PCDHGA2: variants seen among roughly 807,000 people sequenced by gnomAD.
PCDHGA2 encodes protocadherin gamma subfamily A, 2.
PCDHGA2 carries 40 observed loss-of-function variants against 59.2 expected under a neutral mutation model. That is an observed-to-expected ratio of 0.68 (90% CI 0.52 to 0.88). PCDHGA2 has a LOEUF of 0.88. Among genes scored for constraint, PCDHGA2 ranks in the 40% least tolerant of loss-of-function variants. PCDHGA2 has a pLI of 0.00. For missense variants in PCDHGA2, 1,226 were observed against 1,204.0 expected, an observed-to-expected ratio of 1.02 and a Z score of -0.27; for synonymous variants, 560 against 526.0, an observed-to-expected ratio of 1.06 and a Z score of -0.89.
chr5:141,338,887 G>T lies in PCDHGA2; in HGVS notation c.-85G>T. 6.8e-7 allele frequency: 1 copy of T among 1,468,476 alleles called. No individual in the cohort carries two copies. The highest frequency in any genetic ancestry group is 9.0e-7 in the Non-Finnish European group (1 of 1,110,860). The allele number at this position is 1,468,476 out of a possible 1,614,324, so 91.0% of individuals were successfully genotyped here. On this transcript the variant is annotated 5_prime_UTR_variant, in exon 1 of 4. Transcript: ENST00000394576. ...TAGGGACCTGGGTCCCGTGAATGCT[G>T]GTTATCTCACACCCTGAGGAATAAA... is the stretch of plus-strand genomic sequence containing the variant.
chr5:141,362,129 C>T, intron 1 of PCDHGA2: 2 of 1,614,016 alleles, frequency 1.2e-6, no homozygotes, highest in Non-Finnish European at 1.7e-6. Flanking sequence ...CTAATCTTCG[C>T]GGATAGCCTG....
chr5:141,498,197 A>C (rs1191884415), intron 2 of PCDHGA2, among the ~76,000 whole-genome samples: 1 of 152,246 alleles, frequency 6.6e-6, no homozygotes. Flanking sequence ...AACCAGCTAA[A>C]GAAAAGAAGG....
chr5:141,485,666 A>G lies in PCDHGA2; in HGVS notation c.2425-9141A>G. ...GGCTCAGGATGCAGATGTGGGGAGC[A>G]ATTCGATTAGCAGCTATAGGCTGAG... On this transcript the variant is annotated intron_variant, in intron 1 of 3. Coordinates refer to ENST00000394576, the MANE Select transcript of PCDHGA2 (RefSeq NM_018915.4). The surrounding 1 kb of genome is among the most constrained non-coding windows in gnomAD (Gnocchi z 5.7). 1 of 1,612,786 alleles carries G rather than the reference A, an allele frequency of 6.2e-7. No homozygotes were observed. Among genetic ancestry groups the G allele is most frequent in the Non-Finnish European group, 8.5e-7 (1 of 1,178,960 alleles).
At chr5:141,362,681 T>A in intron 1 of PCDHGA2, 1 of 1,158,954 alleles carries the variant, frequency 8.6e-7, no homozygotes, top group Non-Finnish European at 1.2e-6. Flanking sequence ...TTAATTGTCT[T>A]AATCTTATCT....
rs559636619 is a variant in PCDHGA2 at position 141,371,768 on chromosome 5, C to A, written c.2424+30373C>A. ...CCGTTTTCCACCAGGCCTCCTACAC[C>A]GTGCATGTAGCTGAGAACAATCCGC... On this transcript the variant is annotated intron_variant, in intron 1 of 3. Coordinates refer to ENST00000394576, the MANE Select transcript of PCDHGA2 (RefSeq NM_018915.4). 6.8e-6 allele frequency: 11 copies of A among 1,614,032 alleles called. No homozygotes were observed. The South Asian group carries it at 7.7e-5, about 11-fold the overall frequency.
intron 1 of PCDHGA2, chr5:141,426,449 G>A (rs1449929836): frequency 1.6e-5 from 5 of 307,646 alleles, no homozygotes; most frequent in East Asian, 8.0e-5. Flanking sequence ...GAGGACATGC[G>A]GCTGCATGTT....
At chr5:141,346,165 T>G (rs1231422225) in intron 1 of PCDHGA2, 2 of 1,613,934 alleles carry the variant, frequency 1.2e-6, no homozygotes, top group Non-Finnish European at 1.7e-6. Flanking sequence ...GTCATCGTGC[T>G]GCTGGCGCTC....
intron 1 of PCDHGA2, chr5:141,384,552 C>T (rs752995629): frequency 3.7e-6 from 6 of 1,614,148 alleles, no homozygotes; most frequent in Admixed American, 3.3e-5. Flanking sequence ...TGAGCCTGTT[C>T]GTGCTGGACC....
intron 1 of PCDHGA2, chr5:141,395,206 A>T: frequency 1.9e-6 from 3 of 1,613,736 alleles, no homozygotes; most frequent in Non-Finnish European, 2.5e-6. Flanking sequence ...GTAGATTTTC[A>T]TGAATATAAG....
chr5:141,360,056 A>C, intron 1 of PCDHGA2: 1 of 1,446,522 alleles, frequency 6.9e-7, no homozygotes, highest in Non-Finnish European at 9.1e-7. Flanking sequence ...CAAAAGCAGG[A>C]AAAGTGACCT....
chr5:141,383,930 C>T lies in PCDHGA2; in HGVS notation c.2424+42535C>T. 7 of 1,613,800 alleles carry T rather than the reference C, an allele frequency of 4.3e-6. No homozygotes were observed. Among genetic ancestry groups the T allele is most frequent in the Non-Finnish European group, 5.9e-6 (7 of 1,179,786 alleles). ...ACAGTTTTAGATGTAAATGATAATG[C>T]TCCAGAAGTGACTATGACGTCTTTA... On this transcript the variant is annotated intron_variant, in intron 1 of 3. Coordinates refer to ENST00000394576, the MANE Select transcript of PCDHGA2 (RefSeq NM_018915.4).
intron 1 of PCDHGA2, chr5:141,376,347 A>G (rs1218451115): frequency 6.2e-7 from 1 of 1,614,056 alleles, no homozygotes; most frequent in Non-Finnish European, 8.5e-7. Flanking sequence ...ACCTATTCCC[A>G]CGAGGTCTCA....
At position 141,476,973 on chromosome 5, in the gene PCDHGA2, A is replaced by C. The variant is rs1205314116; in HGVS notation, c.2425-17834A>C. Reference sequence around the variant, plus strand: ...GAAATTATTTACTCCTTCGGCAGCCACAACCGCGCCGGCGTGCGGCAACTA... The same window carrying C: ...GAAATTATTTACTCCTTCGGCAGCCCCAACCGCGCCGGCGTGCGGCAACTA... On this transcript the variant is annotated intron_variant, in intron 1 of 3. Coordinates refer to ENST00000394576, the MANE Select transcript of PCDHGA2 (RefSeq NM_018915.4). The surrounding 1 kb of genome is among the most constrained non-coding windows in gnomAD (Gnocchi z 7.6). 6.2e-7 allele frequency: 1 copy of C among 1,614,230 alleles called. No homozygotes were observed. The highest frequency in any genetic ancestry group is 2.2e-5 in the East Asian group (1 of 44,884).
At chr5:141,400,360 C>T (rs1327384409) in intron 1 of PCDHGA2, 2 of 1,614,030 alleles carry the variant, frequency 1.2e-6, no homozygotes, top group East Asian at 2.2e-5. Context: ...GGGGACTTTG[C>T]CTTATTCCTA....
chr5:141,486,559 G>A lies in PCDHGA2; in HGVS notation c.2425-8248G>A. ...CTTTCTTTCAGAGGTCACATGAGGTGTTTGTTCCTGAGAACAATCGCCCAG... is the reference window on the plus strand; with the variant it reads ...CTTTCTTTCAGAGGTCACATGAGGTATTTGTTCCTGAGAACAATCGCCCAG... On this transcript the variant is annotated intron_variant, in intron 1 of 3. Transcript: ENST00000394576. This position sits in a 1 kb window ranked among gnomAD's most constrained non-coding sequence, Gnocchi z 5.0. 6.2e-7 allele frequency: 1 copy of A among 1,614,032 alleles called. No individual in the cohort carries two copies. Among genetic ancestry groups the A allele is most frequent in the Non-Finnish European group, 8.5e-7 (1 of 1,180,022 alleles).
intron 1 of PCDHGA2, chr5:141,398,690 G>A (rs1258068362): frequency 1.9e-6 from 3 of 1,613,914 alleles, no homozygotes; most frequent in African/African-American, 1.3e-5. Flanking sequence ...AAACAGGATG[G>A]TAGTAAATAC....
chr5:141,413,286 C>G, intron 1 of PCDHGA2: 1 of 1,613,968 alleles, frequency 6.2e-7, no homozygotes, highest in Non-Finnish European at 8.5e-7. Flanking sequence ...AGATCTCCTA[C>G]TCAATTCCTG....
At chr5:141,434,875 A>G (rs2097725018) in intron 1 of PCDHGA2, among the ~76,000 whole-genome samples, 1 of 151,990 alleles carries the variant, frequency 6.6e-6, no homozygotes, top group African/African-American at 2.4e-5. Flanking sequence ...TGTGACAGAT[A>G]CCAACAACAA....
At position 141,493,512 on chromosome 5, in the gene PCDHGA2, C is replaced by A. The variant is rs1327850681; in HGVS notation, c.2425-1295C>A. The stretch of plus-strand genomic sequence containing the variant: ...CTGTGGCTCCTCATTTCTGAGCAGT[C>A]CCCGCAGCGCAAACTTGGCCAGTTA... On this transcript the variant is annotated intron_variant, in intron 1 of 3. Transcript: ENST00000394576. The surrounding 1 kb of genome is among the most constrained non-coding windows in gnomAD (Gnocchi z 4.3). Among the ~76,000 whole-genome samples the A allele has an allele frequency of 1.3e-5, 2 of 152,148 alleles. No individual in the cohort carries two copies. Among genetic ancestry groups the A allele is most frequent in the South Asian group, 4.1e-4 (2 of 4,824 alleles).
Sources: allele counts gnomAD v4.1 joint callset (sites outside exome capture counted in the v4.1 genomes callset), GRCh38; gene constraint gnomAD v4.1.1; non-coding constraint Gnocchi (gnomAD v3.1); transcripts MANE v1.5; gene names NCBI Gene and HGNC (gene_info 2026-07-23, HGNC 2026-07-21).